PER3: variants seen among roughly 807,000 people sequenced by gnomAD.
PER3 encodes the protein period circadian protein homolog 3.
In PER3, 107 loss-of-function variants were observed where a neutral mutation model predicts 127.2. The ratio of observed to expected loss-of-function variants is 0.84; its 90% CI spans 0.72 to 0.99. The LOEUF (loss-of-function observed/expected upper bound fraction) is 0.99. PER3 is among the 50% of genes least tolerant of loss of function. PER3 has a pLI of 0.00. For synonymous variants in PER3, 618 were observed against 585.8 expected, an observed-to-expected ratio of 1.05 and a Z score of -0.79; for missense variants, 1,560 against 1,525.8, an observed-to-expected ratio of 1.02 and a Z score of -0.37.
At position 7,827,367 on chromosome 1, in the gene PER3, C is replaced by G; in HGVS notation, c.2438C>G (p.Pro813Arg). 1 of 1,614,150 alleles carries G rather than the reference C, an allele frequency of 6.2e-7. No homozygotes were observed. The highest frequency in any genetic ancestry group is 8.5e-7 in the Non-Finnish European group (1 of 1,180,038). ...TACCTCGTCCCAGCTTTTCCCCTCC[C>G]AGCCGCGACCTCACCCGGAAGAGAA... ...APYLVPAFPL[P>R]AATSPGREYA... Residue 813 changes from proline to arginine, a missense_variant, in exon 18 of 22, where the codon CCA becomes CGA. By Grantham distance (103) the Pro-to-Arg change is moderately radical (BLOSUM62 -2). Transcript: ENST00000377532.
chr1:7,797,683 A>G lies in PER3; in HGVS notation c.645-842A>G, dbSNP rs1051680074. Among the ~76,000 whole-genome samples, 9 of 152,092 alleles carry G rather than the reference A, an allele frequency of 5.9e-5. 1 individual carries two copies. Among genetic ancestry groups the G allele is most frequent in the African/African-American group, 2.2e-4 (9 of 41,526 alleles). ...AAAAGTGAGGTGGAAGTAGGAACAG[A>G]CTAGAGAATCTCTGGCAGTACTAAA... On this transcript the variant is annotated intron_variant, in intron 6 of 21. Transcript: ENST00000377532.
At chr1:7,792,242 G>GA (rs1363617746) in intron 5 of PER3, among the ~76,000 whole-genome samples, 1 of 152,150 alleles carries the variant, frequency 6.6e-6, no homozygotes, top group African/African-American at 2.4e-5. Flanking sequence ...CAACAGCAAG[G>GA]AGAAGCGCCA....
At chr1:7,788,017 T>G in intron 4 of PER3, 28 bp from the exon 5 acceptor site, 1 of 1,504,486 alleles carries the variant, frequency 6.6e-7, no homozygotes, top group Non-Finnish European at 9.3e-7. Context: ...ATCTCAATAT[T>G]TGCATTTATT....
chr1:7,798,733 GT>G, intron 7 of PER3, 60 bp downstream of exon 7: 1 of 1,386,110 alleles, frequency 7.2e-7, no homozygotes, highest in Non-Finnish European at 1.0e-6. Flanking sequence ...GGGAAAGTCT[GT>G]TTACGTCAGT....
At chr1:7,815,721 C>G (rs1031110037) in intron 13 of PER3, among the ~76,000 whole-genome samples, 2 of 151,954 alleles carry the variant, frequency 1.3e-5, no homozygotes, top group African/African-American at 4.8e-5. Context: ...CGCAGTGGCT[C>G]ACGCCTGTAA....
At chr1:7,835,217 C>T (rs958182501) in intron 19 of PER3, among the ~76,000 whole-genome samples, 3 of 152,180 alleles carry the variant, frequency 2.0e-5, no homozygotes, top group Admixed American at 1.3e-4. Flanking sequence ...GGTGATGATG[C>T]GTTTATTGTA....
At position 7,830,136 on chromosome 1, in the gene PER3, A is replaced by T. The variant is rs371430284; in HGVS notation, c.3189A>T (p.Pro1063=). The T allele has an allele frequency of 1.2e-6, 2 of 1,614,128 alleles. No homozygotes were observed. The highest frequency in any genetic ancestry group is 2.2e-5 in the East Asian group (1 of 44,884). ...CGGGGTCACCTCCCAGCGAATCCCC[A>T]TCCAGAACTGGTTCAGCAGCATCAG... is the stretch of plus-strand genomic sequence containing the variant. The part of the protein sequence containing the change: ...LSTGSPPSES[P]SRTGSAASGS... The change falls in exon 19 of 22, where the codon CCA becomes CCT. Residue 1063 remains proline (P), a synonymous_variant. Coordinates refer to ENST00000377532, the MANE Select transcript of PER3 (RefSeq NM_001377275.1).
chr1:7,795,307 C>T (rs2097140347), intron 6 of PER3, among the ~76,000 whole-genome samples: 2 of 152,200 alleles, frequency 1.3e-5, no homozygotes, highest in Non-Finnish European at 2.9e-5. Context: ...TCTTGCCTCA[C>T]GTACCTTAAA....
chr1:7,840,732 C>G (rs963737297), intron 21 of PER3, among the ~76,000 whole-genome samples: 1 of 151,952 alleles, frequency 6.6e-6, no homozygotes, highest in Non-Finnish European at 1.5e-5. Flanking sequence ...GTGATCCTCT[C>G]AAGTAGCTGG....
chr1:7,807,585 T>C (rs909123988), intron 10 of PER3, among the ~76,000 whole-genome samples: 29 of 152,226 alleles, frequency 1.9e-4, no homozygotes. Context: ...TAACTGCTGC[T>C]TCTCGGTTAT....
intron 16 of PER3, among the ~76,000 whole-genome samples, 198 bp downstream of exon 16, chr1:7,820,838 AGTTAT>A (rs375610432): frequency 2.0e-5 from 3 of 152,348 alleles, no homozygotes; most frequent in African/African-American, 7.2e-5. Context: ...AGTATTTCTC[AGTTAT>A]GTTATTTGTC....
At chr1:7,803,017 T>A (rs758107328) in intron 8 of PER3, 30 bp from the exon 9 acceptor site, 1 of 1,130,682 alleles carries the variant, frequency 8.8e-7, no homozygotes, top group South Asian at 1.2e-5. Context: ...CTGATGAGTA[T>A]GCCACCTGTG....
In PER3 at chr1:7,801,177, T is replaced by C. The variant is rs776262438; in HGVS notation, c.858T>C (p.Leu286=). 6.3e-7 allele frequency: 1 copy of C among 1,581,326 alleles called. No homozygotes were observed. The highest frequency in any genetic ancestry group is 8.7e-7 in the Non-Finnish European group (1 of 1,155,380). Residue 286 remains leucine (L), a synonymous_variant, in exon 8 of 22, where the codon CTT becomes CTC. Transcript: ENST00000377532. The part of the protein sequence containing the change: ...TTTHTPGCVF[L]EVDEKAVPLL... ...CACACACCCCAGGGTGTGTTTTTCTTGAAGTAGATGAAAAGTAAGTACTTC... is the reference window on the plus strand; with the variant it reads ...CACACACCCCAGGGTGTGTTTTTCTCGAAGTAGATGAAAAGTAAGTACTTC...
intron 18 of PER3, 110 bp from the exon 19 acceptor site, chr1:7,829,724 T>TA: frequency 1.1e-6 from 1 of 873,676 alleles, no homozygotes; most frequent in Non-Finnish European, 1.8e-6. Flanking sequence ...TGGACCTTGG[T>TA]TGACCACAGG....
rs141984328 is a variant in PER3, at chr1:7,833,596, A to T, written c.3215-2166A>T. The stretch of plus-strand genomic sequence containing the variant: ...AGTGTTTACATGGTAAATTTTTTTC[A>T]TCTTTTTACTTTCAACTTATCTGTG... On this transcript the variant is annotated intron_variant, in intron 19 of 21. Coordinates refer to ENST00000377532, the MANE Select transcript of PER3 (RefSeq NM_001377275.1). 2.3e-4 allele frequency among the ~76,000 whole-genome samples: 35 copies of T among 152,128 alleles called. No homozygotes were observed. The East Asian group carries it at 6.4e-3, about 28-fold the overall frequency.
At chr1:7,830,308 G>A (rs1390044782) in intron 19 of PER3, 147 bp downstream of exon 19, 2 of 683,052 alleles carry the variant, frequency 2.9e-6, no homozygotes, top group Admixed American at 5.8e-5. Flanking sequence ...GGTATATTGG[G>A]GTATATTTAT....
In PER3 at chr1:7,829,925, ATCC is replaced by A; in HGVS notation, c.2980_2982del (p.Pro994del). ...TCACCTCCCAGGGAGAATCCATCCC[ATCC>A]TACTGCCAGCGCTCTGTCCACAGGA... On this transcript the variant is annotated inframe_deletion, in exon 19 of 22. Transcript: ENST00000377532. The A allele has an allele frequency of 3.8e-6, 5 of 1,299,014 alleles. No homozygotes were observed. The highest frequency in any genetic ancestry group is 1.7e-5 in the South Asian group (1 of 59,348). 80.5% of individuals were successfully genotyped at this position (1,299,014 alleles called of 1,614,324 possible).
chr1:7,837,182 A>T, intron 21 of PER3, 33 bp downstream of exon 21: 1 of 1,587,734 alleles, frequency 6.3e-7, no homozygotes, highest in Non-Finnish European at 8.6e-7. Flanking sequence ...TCATATACTC[A>T]TGTATTTTGG....
intron 13 of PER3, among the ~76,000 whole-genome samples, chr1:7,816,015 A>AAAAAAAAAAAAAAAAAAAAATTG (rs1558436913): frequency 4.0e-5 from 6 of 148,468 alleles, no homozygotes; most frequent in African/African-American, 1.5e-4. Context: ...AAAAAAAAAA[A>AAAAAAAAAAAAAAAAAAAAATTG]AATTGAATTG....
Sources: allele counts gnomAD v4.1 joint callset (sites outside exome capture counted in the v4.1 genomes callset), GRCh38; gene constraint gnomAD v4.1.1; transcripts MANE v1.5; gene names NCBI Gene and HGNC (gene_info 2026-07-23, HGNC 2026-07-21).